SHISA9: variants seen among roughly 807,000 people sequenced by gnomAD.
SHISA9 encodes protein shisa-9.
A neutral mutation model predicts 38.0 loss-of-function variants in SHISA9; 13 were observed. That is an observed-to-expected ratio of 0.34 (90% CI 0.22 to 0.54). SHISA9 has a LOEUF of 0.54. Ranked by LOEUF, SHISA9 falls within the 20% of genes least tolerant of loss-of-function variation. The probability of loss-of-function intolerance (pLI) is 0.91; values close to 1 mark genes in which losing one functional copy is unlikely to be tolerated. For synonymous variants in SHISA9, 275 were observed against 242.0 expected, an observed-to-expected ratio of 1.14 and a Z score of -1.27; for missense variants, 538 against 575.8, an observed-to-expected ratio of 0.93 and a Z score of 0.67.
At chr16:13,455,476 A>C in the SHISA9 span, among the ~76,000 whole-genome samples, 1 of 152,240 alleles carries the variant, frequency 6.6e-6, no homozygotes, top group East Asian at 1.9e-4. Flanking sequence ...AAAGTGACAC[A>C]AATGTTCACA....
the SHISA9 span, among the ~76,000 whole-genome samples, chr16:13,368,722 C>T: frequency 7.5e-6 from 1 of 133,928 alleles, no homozygotes; most frequent in South Asian, 2.5e-4. Flanking sequence ...CAATGACCTC[C>T]AAGGCAAGAT....
chr16:13,015,332 G>C (rs1195440373), intron 2 of SHISA9, among the ~76,000 whole-genome samples: 1 of 152,324 alleles, frequency 6.6e-6, no homozygotes, highest in East Asian at 1.9e-4. Flanking sequence ...CTCTGCTTTA[G>C]CTATAATGAA....
chr16:13,082,125 T>C (rs1463587455), intron 2 of SHISA9, among the ~76,000 whole-genome samples: 2 of 152,220 alleles, frequency 1.3e-5, no homozygotes, highest in Non-Finnish European at 2.9e-5. Flanking sequence ...ACAGTGAAGC[T>C]TACAGGGTGT....
chr16:13,156,001 G>C (rs549962443), intron 2 of SHISA9, among the ~76,000 whole-genome samples: 3 of 152,164 alleles, frequency 2.0e-5, no homozygotes, highest in Non-Finnish European at 4.4e-5. Flanking sequence ...GAGTGGGGTG[G>C]TGGGAATGTG....
intron 2 of SHISA9, among the ~76,000 whole-genome samples, chr16:13,045,064 A>G (rs928533111): frequency 3.3e-5 from 5 of 152,186 alleles, no homozygotes; most frequent in Admixed American, 1.3e-4. Context: ...GATCTGTAAG[A>G]TGGGGACGAT....
the SHISA9 span, among the ~76,000 whole-genome samples, chr16:13,336,834 G>A: frequency 6.6e-6 from 1 of 152,136 alleles, no homozygotes; most frequent in Non-Finnish European, 1.5e-5. Flanking sequence ...CACCATCAAA[G>A]TAACAACCTT....
At chr16:13,254,073 C>G in the SHISA9 span, among the ~76,000 whole-genome samples, 1 of 152,140 alleles carries the variant, frequency 6.6e-6, no homozygotes, top group African/African-American at 2.4e-5. Context: ...TCATCTTTGT[C>G]AGGCTGCCAA....
intron 2 of SHISA9, among the ~76,000 whole-genome samples, chr16:13,162,791 G>A (rs2050606502): frequency 1.3e-5 from 2 of 151,726 alleles, no homozygotes; most frequent in East Asian, 3.9e-4. Context: ...AATTGCTAGT[G>A]TTCTGGAAAG....
the SHISA9 span, among the ~76,000 whole-genome samples, chr16:13,328,310 C>A: frequency 3.2e-3 from 486 of 152,230 alleles, 5 homozygotes; most frequent in African/African-American, 0.011. Flanking sequence ...CCCTGGACAA[C>A]ACCAGTGTGA....
the SHISA9 span, among the ~76,000 whole-genome samples, chr16:13,403,480 C>G: frequency 6.6e-6 from 1 of 152,092 alleles, no homozygotes; most frequent in South Asian, 2.1e-4. Flanking sequence ...AGGAGCTATC[C>G]CCTGCAGAAT....
chr16:13,401,904 C>G, the SHISA9 span, among the ~76,000 whole-genome samples: 1 of 152,102 alleles, frequency 6.6e-6, no homozygotes, highest in Admixed American at 6.6e-5. Flanking sequence ...GGCAAGAGAG[C>G]CTGTGCCAGG....
At chr16:13,033,202 T>C (rs148794686) in intron 2 of SHISA9, among the ~76,000 whole-genome samples, 1 of 152,286 alleles carries the variant, frequency 6.6e-6, no homozygotes, top group Non-Finnish European at 1.5e-5. Flanking sequence ...GCAGTGCCCA[T>C]ATTTGGTTAG....
At chr16:13,016,984 T>G (rs1318534679) in intron 2 of SHISA9, among the ~76,000 whole-genome samples, 1 of 152,002 alleles carries the variant, frequency 6.6e-6, no homozygotes, top group Non-Finnish European at 1.5e-5. Context: ...TGATCTCGGG[T>G]ACCTTTCTTC....
rs115072889 is a variant in SHISA9, at chr16:13,033,031, C to T, written c.691+116216C>T. ...GCCTCATTTTCAGGCAGGCTTTCTT[C>T]GCATGGTGACCAGATGGTGGCCAGA... On this transcript the variant is annotated intron_variant, in intron 2 of 4. Coordinates refer to ENST00000558583, the MANE Select transcript of SHISA9 (RefSeq NM_001145204.3). Among the ~76,000 whole-genome samples, 581 of 152,296 alleles carry T rather than the reference C, an allele frequency of 3.8e-3. 7 individuals carry two copies. Among genetic ancestry groups the T allele is most frequent in the African/African-American group, 0.013 (533 of 41,552 alleles).
the SHISA9 span, among the ~76,000 whole-genome samples, chr16:13,258,625 A>G: frequency 6.6e-6 from 1 of 152,230 alleles, no homozygotes; most frequent in Non-Finnish European, 1.5e-5. Flanking sequence ...TTTGATTTAC[A>G]GATTCTGAGG....
At chr16:12,950,984 G>T (rs1450715678) in intron 2 of SHISA9, among the ~76,000 whole-genome samples, 2 of 150,732 alleles carry the variant, frequency 1.3e-5, no homozygotes, top group East Asian at 3.9e-4. Flanking sequence ...CACTTTGTGG[G>T]GACGAGGCGG....
intron 2 of SHISA9, among the ~76,000 whole-genome samples, chr16:13,150,975 C>G (rs1023206148): frequency 6.6e-6 from 1 of 152,162 alleles, no homozygotes; most frequent in Non-Finnish European, 1.5e-5. Context: ...AAGGTTGAAC[C>G]AGCAGAATAT....
intron 2 of SHISA9, among the ~76,000 whole-genome samples, chr16:13,002,592 G>C (rs2141842961): frequency 6.7e-6 from 1 of 149,098 alleles, no homozygotes; most frequent in South Asian, 2.1e-4. Flanking sequence ...CAGTGCAGTG[G>C]TGTGATCTCG....
the SHISA9 span, among the ~76,000 whole-genome samples, chr16:13,484,605 T>TA: frequency 6.6e-6 from 1 of 152,178 alleles, no homozygotes; most frequent in African/African-American, 2.4e-5. Flanking sequence ...CACATTGCTG[T>TA]AAAAAACTAC....
Sources: gnomAD v4.1 joint callset for allele counts (sites outside exome capture counted in the v4.1 genomes callset) on GRCh38, gnomAD v4.1.1 for gene constraint, MANE v1.5 for transcripts, NCBI Gene and HGNC (gene_info 2026-07-23, HGNC 2026-07-21) for gene names.